Variants in PLB1 observed in about 807,000 individuals in gnomAD.
The protein encoded by PLB1 is phospholipase B1, membrane-associated.
A neutral mutation model predicts 227.4 loss-of-function variants in PLB1; 242 were observed. That is an observed-to-expected ratio of 1.06 (90% confidence interval 0.96 to 1.18). PLB1 has a LOEUF of 1.18. PLB1 is among the 50% of genes most tolerant of loss of function. The pLI is 0.00. For synonymous variants in PLB1, 757 were observed against 682.2 expected, an observed-to-expected ratio of 1.11 and a Z score of -1.71; for missense variants, 1,858 against 1,816.3, an observed-to-expected ratio of 1.02 and a Z score of -0.42.
chr2:28,560,940 C>T (rs913118152), intron 17 of PLB1, among the ~76,000 whole-genome samples: 9 of 152,168 alleles, frequency 5.9e-5, no homozygotes, highest in Non-Finnish European at 1.2e-4. Context: ...CCAAGCTCGA[C>T]CCTACCACAT....
At position 28,620,861 on chromosome 2, in the gene PLB1, C is replaced by T. The variant is rs1257206095; in HGVS notation, c.3428-18C>T. ...AGGCTCTCACCTGTGCTCTTCTCCT[C>T]CTCCTCCTCCTCTAAAGACATTCTG... On this transcript the variant is annotated intron_variant, in intron 48 of 57. Coordinates refer to ENST00000327757, the MANE Select transcript of PLB1 (RefSeq NM_153021.5). 6.9e-6 allele frequency: 11 copies of T among 1,602,916 alleles called. No homozygotes were observed. The highest frequency in any genetic ancestry group is 8.5e-6 in the Non-Finnish European group (10 of 1,170,084).
chr2:28,522,861 AAG>A (rs1175037871), intron 4 of PLB1, among the ~76,000 whole-genome samples: 5 of 152,126 alleles, frequency 3.3e-5, no homozygotes, highest in African/African-American at 1.2e-4. Flanking sequence ...TGTCTGTCCT[AAG>A]AGAGAGAGGG....
In PLB1 at chr2:28,585,798, T is replaced by C. The variant is rs1160987454; in HGVS notation, c.1771T>C (p.Ser591Pro). Residue 591 changes from serine to proline, a missense_variant, in exon 26 of 58, where the codon TCA becomes CCA. By Grantham distance (74) the Ser-to-Pro change is moderately conservative. Coordinates refer to ENST00000327757, the MANE Select transcript of PLB1 (RefSeq NM_153021.5). ...CPCVLKFDDNSTELATLIEFN... is the reference protein window; with the variant it reads ...CPCVLKFDDNPTELATLIEFN... ...CTGTGTCCTGAAGTTTGATGATAAC[T>C]CAACAGAACTTGCTACCCTCATCGA... The C allele has an allele frequency of 6.2e-7, 1 of 1,612,662 alleles. No individual in the cohort carries two copies. Among genetic ancestry groups the C allele is most frequent in the African/African-American group, 1.3e-5 (1 of 74,880 alleles).
At chr2:28,521,251 T>C (rs1011851888) in intron 4 of PLB1, among the ~76,000 whole-genome samples, 2 of 152,254 alleles carry the variant, frequency 1.3e-5, no homozygotes, top group African/African-American at 2.4e-5. Flanking sequence ...TACAAATATC[T>C]GTTCAAGTCC....
At chr2:28,573,114 C>T (rs762396282) in intron 20 of PLB1, 83 bp from the exon 21 acceptor site, 5 of 1,083,414 alleles carry the variant, frequency 4.6e-6, no homozygotes, top group African/African-American at 1.5e-5. Flanking sequence ...ACTCTGTTCC[C>T]TAACACCCAC....
chr2:28,551,676 C>A (rs1441987659), intron 16 of PLB1, among the ~76,000 whole-genome samples: 1 of 152,206 alleles, frequency 6.6e-6, no homozygotes, highest in African/African-American at 2.4e-5. Flanking sequence ...GGCTCTGTGT[C>A]AATGAGCAAG....
At chr2:28,513,993 A>G (rs1330033466) in intron 1 of PLB1, among the ~76,000 whole-genome samples, 1 of 152,236 alleles carries the variant, frequency 6.6e-6, no homozygotes, top group Non-Finnish European at 1.5e-5. Flanking sequence ...ATGTATTTCA[A>G]CATATACTTT....
At chr2:28,611,694 T>A (rs1187662899) in intron 43 of PLB1, among the ~76,000 whole-genome samples, 1 of 152,058 alleles carries the variant, frequency 6.6e-6, no homozygotes, top group Non-Finnish European at 1.5e-5. Context: ...ATCGCCCTCT[T>A]TGTTGGTGAA....
chr2:28,621,312 G>T (rs967498355), intron 49 of PLB1, among the ~76,000 whole-genome samples: 1 of 152,138 alleles, frequency 6.6e-6, no homozygotes, highest in Admixed American at 6.5e-5. Context: ...GGACCCGGGC[G>T]CTGTCCCTGC....
rs150510751 is a variant in PLB1, at chr2:28,515,845, T to C, written c.56-963T>C. ...GACCTCTGATTAAATCTCAGTATCA[T>C]TAATGTATTGTGTAGCTATTGAAAT... is the stretch of plus-strand genomic sequence containing the variant. On this transcript the variant is annotated intron_variant, in intron 1 of 57. Coordinates refer to ENST00000327757, the MANE Select transcript of PLB1 (RefSeq NM_153021.5). Among the ~76,000 whole-genome samples, 266 of 152,330 alleles carry C rather than the reference T, an allele frequency of 1.7e-3. 1 individual carries two copies. The highest frequency in any genetic ancestry group is 6.1e-3 in the African/African-American group (254 of 41,562).
Position 28,603,991 on chromosome 2 carries a change from C to T in PLB1, c.2800C>T (p.Leu934=), listed in dbSNP as rs1249107918. ...ASVLCNCVLT[L]RENSQELARL... The stretch of plus-strand genomic sequence containing the variant: ...CGTTTTGTGTAACTGCGTTCTGACC[C>T]TGCGGGAGAACTCCCAAGAGCTAGC... Residue 934 remains leucine, a synonymous_variant, in exon 40 of 58, where the codon CTG becomes TTG. Transcript: ENST00000327757. 2 of 1,614,132 alleles carry T rather than the reference C, an allele frequency of 1.2e-6. No individual in the cohort carries two copies. Among genetic ancestry groups the T allele is most frequent in the Non-Finnish European group, 1.7e-6 (2 of 1,180,046 alleles).
rs750277641 is a variant in PLB1, at chr2:28,563,080, C to T, written c.1187C>T (p.Ala396Val). 3.7e-6 allele frequency: 6 copies of T among 1,613,678 alleles called. No individual in the cohort carries two copies. The East Asian group carries it at 8.9e-5, about 24-fold the overall frequency. ...LKPADINVIG[A>V]LGDSLTAGNG... Reference sequence around the variant, plus strand: ...CCGGCTGACATCAACGTAATTGGAGCCCTGGGTGACTCTCTCACGGTAAGT... The same window carrying T: ...CCGGCTGACATCAACGTAATTGGAGTCCTGGGTGACTCTCTCACGGTAAGT... The change falls in exon 18 of 58, where the codon GCC (alanine) becomes GTC (valine). Residue 396 changes from alanine to valine, a missense_variant. Transcript: ENST00000327757.
chr2:28,567,682 C>T (rs922772093), intron 20 of PLB1, among the ~76,000 whole-genome samples: 41 of 152,030 alleles, frequency 2.7e-4, no homozygotes, highest in Admixed American at 3.3e-4. Context: ...CCATGTTGGC[C>T]AGGATGGTCT....
At chr2:28,565,751 C>G (rs1028099800) in intron 19 of PLB1, among the ~76,000 whole-genome samples, 43 of 152,222 alleles carry the variant, frequency 2.8e-4, no homozygotes, top group African/African-American at 9.9e-4. Context: ...AGTTCCCTAA[C>G]CTCTCTGAGC....
chr2:28,538,740 G>A (rs1341448712), intron 10 of PLB1, among the ~76,000 whole-genome samples: 16 of 152,188 alleles, frequency 1.1e-4, no homozygotes, highest in Admixed American at 1.0e-3. Flanking sequence ...CAGGGTCTGA[G>A]AATCAGCTGG....
chr2:28,540,830 C>T (rs1672378964), intron 12 of PLB1, among the ~76,000 whole-genome samples: 1 of 152,168 alleles, frequency 6.6e-6, no homozygotes, highest in Non-Finnish European at 1.5e-5. Flanking sequence ...AAAGGCAAAC[C>T]AGGGCTCCTG....
Position 28,543,285 on chromosome 2 carries a change from TG to T in PLB1, c.936+21del, listed in dbSNP as rs752285966. The T allele has an allele frequency of 6.2e-7, 1 of 1,609,164 alleles. No homozygotes were observed. Among genetic ancestry groups the T allele is most frequent in the South Asian group, 1.1e-5 (1 of 89,930 alleles). On this transcript the variant is annotated intron_variant, in intron 14 of 57. Transcript: ENST00000327757. ...AATAGGATGGTGAGTAGATGGGGCC[TG>T]GGGTGGGGCCCACAGAGGAGGGGCA... is the stretch of plus-strand genomic sequence containing the variant.
chr2:28,523,495 A>G (rs1374332470), intron 4 of PLB1, among the ~76,000 whole-genome samples: 1 of 152,130 alleles, frequency 6.6e-6, no homozygotes, highest in Non-Finnish European at 1.5e-5. Flanking sequence ...GCACACATTC[A>G]GCAAACAAAG....
chr2:28,606,283 A>AT (rs953722101), intron 42 of PLB1, among the ~76,000 whole-genome samples: 2 of 152,214 alleles, frequency 1.3e-5, no homozygotes, highest in African/African-American at 2.4e-5. Context: ...TCCCTGCTAG[A>AT]GAAGCATGAC....
Sources: allele counts gnomAD v4.1 joint callset (sites outside exome capture counted in the v4.1 genomes callset), GRCh38; gene constraint gnomAD v4.1.1; transcripts MANE v1.5; gene names NCBI Gene and HGNC (gene_info 2026-07-23, HGNC 2026-07-21).